PABPC4L: variants seen among roughly 807,000 people sequenced by gnomAD.
PABPC4L encodes the protein polyadenylate-binding protein 4-like.
For synonymous variants in PABPC4L, 169 were observed against 164.1 expected (o/e 1.03, Z -0.23); for missense variants, 452 against 451.4 (o/e 1.00, Z -0.01).
the PABPC4L span, among the ~76,000 whole-genome samples, chr4:133,949,447 T>C: frequency 6.6e-6 from 1 of 152,184 alleles, no homozygotes; most frequent in Non-Finnish European, 1.5e-5. Flanking sequence ...ACACCTTGTA[T>C]TAGGATTAAT....
chr4:134,147,746 TG>T, the PABPC4L span, among the ~76,000 whole-genome samples: 5 of 79,346 alleles, frequency 6.3e-5, no homozygotes, highest in Non-Finnish European at 8.4e-5. Flanking sequence ...TGTGTGTGTG[TG>T]TGTGTTGTTG....
chr4:134,189,615 G>A, the PABPC4L span, among the ~76,000 whole-genome samples: 1 of 152,006 alleles, frequency 6.6e-6, no homozygotes, highest in African/African-American at 2.4e-5. Flanking sequence ...AAAAAGAACT[G>A]TGGTACCTAG....
At chr4:134,184,634 T>C in the PABPC4L span, among the ~76,000 whole-genome samples, 7 of 152,032 alleles carry the variant, frequency 4.6e-5, no homozygotes, top group African/African-American at 1.7e-4. Context: ...AGTACCACAG[T>C]GTATTTCTCC....
the PABPC4L span, among the ~76,000 whole-genome samples, chr4:134,141,064 A>G: frequency 6.6e-6 from 1 of 151,744 alleles, no homozygotes; most frequent in East Asian, 1.9e-4. Flanking sequence ...GAATAAAATT[A>G]TTTACTTCAT....
chr4:134,144,888 C>A, the PABPC4L span, among the ~76,000 whole-genome samples: 2 of 151,732 alleles, frequency 1.3e-5, no homozygotes, highest in South Asian at 4.1e-4. Flanking sequence ...ATGCTGACTT[C>A]TTTTTCCTTG....
the PABPC4L span, among the ~76,000 whole-genome samples, chr4:133,967,202 T>C: frequency 6.6e-6 from 1 of 152,152 alleles, no homozygotes; most frequent in African/African-American, 2.4e-5. Context: ...CCAGGCACGG[T>C]GGCCCATGCA....
At chr4:133,948,734 T>C in the PABPC4L span, among the ~76,000 whole-genome samples, 2 of 152,226 alleles carry the variant, frequency 1.3e-5, no homozygotes, top group African/African-American at 2.4e-5. Context: ...CACCTGTGCC[T>C]GAGGCCTCTC....
the PABPC4L span, among the ~76,000 whole-genome samples, chr4:134,099,519 C>A: frequency 9.9e-5 from 15 of 151,684 alleles, no homozygotes; most frequent in Admixed American, 9.9e-4. Context: ...CCAGATGATA[C>A]AAAAACATAT....
the PABPC4L span, among the ~76,000 whole-genome samples, chr4:134,092,796 C>A: frequency 2.0e-5 from 3 of 152,062 alleles, no homozygotes; most frequent in Non-Finnish European, 4.4e-5. Flanking sequence ...CCCACCATCG[C>A]AAGTCCCACA....
At chr4:134,195,212 T>C (rs1250662467), downstream of PABPC4L, among the ~76,000 whole-genome samples, 4 of 151,764 alleles carry the variant, frequency 2.6e-5, no homozygotes, top group Non-Finnish European at 4.4e-5. Context: ...AATTGAGGCA[T>C]GTCTTTGATT....
At chr4:134,148,915 T>C in the PABPC4L span, among the ~76,000 whole-genome samples, 1 of 151,934 alleles carries the variant, frequency 6.6e-6, no homozygotes, top group East Asian at 1.9e-4. Context: ...CCTCCCCTCA[T>C]AACAAAGACC....
At chr4:134,022,052 G>A in the PABPC4L span, among the ~76,000 whole-genome samples, 1 of 151,982 alleles carries the variant, frequency 6.6e-6, no homozygotes, top group Non-Finnish European at 1.5e-5. Flanking sequence ...TATAGCTGTG[G>A]CTAAATACAG....
At chr4:134,079,203 C>A in the PABPC4L span, among the ~76,000 whole-genome samples, 1 of 151,260 alleles carries the variant, frequency 6.6e-6, no homozygotes, top group African/African-American at 2.4e-5. Context: ...AACTCCTGAC[C>A]TCGTGTCCCG....
chr4:134,122,085 C>T, the PABPC4L span, among the ~76,000 whole-genome samples: 1 of 151,746 alleles, frequency 6.6e-6, no homozygotes, highest in Non-Finnish European at 1.5e-5. Flanking sequence ...GACACAACTA[C>T]ACTACCATAT....
chr4:133,996,011 GT>G, the PABPC4L span, among the ~76,000 whole-genome samples: 1 of 152,156 alleles, frequency 6.6e-6, no homozygotes, highest in Non-Finnish European at 1.5e-5. Context: ...TGTTGATCTT[GT>G]ATTACCAGGC....
the PABPC4L span, among the ~76,000 whole-genome samples, chr4:133,957,091 A>G: frequency 6.6e-6 from 1 of 152,122 alleles, no homozygotes; most frequent in African/African-American, 2.4e-5. Context: ...ACAGCCCCCA[A>G]ATGCTTATCT....
At chr4:134,127,366 C>CA in the PABPC4L span, among the ~76,000 whole-genome samples, 1 of 152,016 alleles carries the variant, frequency 6.6e-6, no homozygotes, top group Non-Finnish European at 1.5e-5. Flanking sequence ...GTGTACTAAA[C>CA]AAAAAATCAA....
the PABPC4L span, among the ~76,000 whole-genome samples, chr4:134,059,601 G>A: frequency 6.6e-6 from 1 of 150,834 alleles, no homozygotes; most frequent in African/African-American, 2.4e-5. Context: ...ATATGAACAA[G>A]ATATCATAAA....
the PABPC4L span, among the ~76,000 whole-genome samples, chr4:133,993,411 C>G: frequency 6.6e-6 from 1 of 152,040 alleles, no homozygotes; most frequent in South Asian, 2.1e-4. Context: ...GTGGGCTGCC[C>G]CATAAATTCA....
Sources: gnomAD v4.1 joint callset for allele counts (sites outside exome capture counted in the v4.1 genomes callset) on GRCh38, gnomAD v4.1.1 for gene constraint, MANE v1.5 for transcripts, NCBI Gene and HGNC (gene_info 2026-07-23, HGNC 2026-07-21) for gene names.